The following ZFYVE28 variants were observed in gnomAD, a reference collection of about 807,000 sequenced individuals.
The protein encoded by ZFYVE28 is zinc finger FYVE-type containing 28, also known as lateral signaling target protein 2 homolog.
Under a neutral mutation model 82.1 loss-of-function variants are expected in ZFYVE28, and 40 were observed. The ratio of observed to expected loss-of-function variants is 0.49; its 90% CI spans 0.38 to 0.63. ZFYVE28 has a LOEUF of 0.63. ZFYVE28 is among the 30% of genes least tolerant of loss of function. ZFYVE28 has a pLI of 0.00. For missense variants in ZFYVE28, 1,321 were observed against 1,242.1 expected, an observed-to-expected ratio of 1.06 and a Z score of -0.96; for synonymous variants, 612 against 546.1, an observed-to-expected ratio of 1.12 and a Z score of -1.68.
At chr4:2,330,232 T>C (rs948691158) in intron 6 of ZFYVE28, 1 of 966,156 alleles carries the variant, frequency 1.0e-6, no homozygotes, top group African/African-American at 1.8e-5. Flanking sequence ...CAAAAACGAC[T>C]GTGCACTGTA....
In ZFYVE28 at chr4:2,408,465, G is replaced by A. The variant is rs1302112642; in HGVS notation, c.39+9820C>T. Among the ~76,000 whole-genome samples the A allele has an allele frequency of 6.6e-6, 1 of 152,214 alleles. No homozygotes were observed. The highest frequency in any genetic ancestry group is 1.5e-5 in the Non-Finnish European group (1 of 68,020). ...CTCTGCTCCACTGCCCTGAGACTCA[G>A]CATCGGGGAGAAAGCCTGGAGGGGG... On this transcript the variant is annotated intron_variant, in intron 1 of 12. Coordinates refer to ENST00000290974, the MANE Select transcript of ZFYVE28 (RefSeq NM_020972.3). The surrounding 1 kb of genome is among the most constrained non-coding windows in gnomAD (Gnocchi z 4.3).
At position 2,283,532 on chromosome 4, in the gene ZFYVE28, G is replaced by GTCCA. The variant is rs922691028; in HGVS notation, c.2052-9320_2052-9317dup. ...CACCCACCCATCCATCTAATCATCA[G>GTCCA]TCCATCCATCCATCCATCCATCCAA... is the stretch of plus-strand genomic sequence containing the variant. On this transcript the variant is annotated intron_variant, in intron 8 of 12. Transcript: ENST00000290974. Among the ~76,000 whole-genome samples, 50 of 126,988 alleles carry GTCCA rather than the reference G, an allele frequency of 3.9e-4. No individual in the cohort carries two copies. In the South Asian group the frequency reaches 4.1e-3, roughly 10 times the overall value. The allele number at this position is 126,988 out of a possible 152,430, so 83.3% of individuals were successfully genotyped here. A position where few individuals can be genotyped will look rare whatever the true frequency, so the allele number is the denominator to read the frequency against.
rs1367718181 is a variant in ZFYVE28 at position 2,317,213 on chromosome 4, C to T, written c.803+2957G>A. On this transcript the variant is annotated intron_variant, in intron 7 of 12. Transcript: ENST00000290974. ...ATGTTGGCTGGGCTGGTCTCAAACT[C>T]CTGACCTCAGGTGATCCGCCCACCT... 2.0e-5 allele frequency among the ~76,000 whole-genome samples: 3 copies of T among 152,076 alleles called. No individual in the cohort carries two copies. The East Asian group carries it at 5.8e-4, about 29-fold the overall frequency.
chr4:2,347,438 A>G (rs887177592), intron 2 of ZFYVE28, among the ~76,000 whole-genome samples: 1 of 152,222 alleles, frequency 6.6e-6, no homozygotes, highest in Admixed American at 6.5e-5. Context: ...TTTACAGAAC[A>G]TTCCACCCAA....
rs144224872 is a variant in ZFYVE28 at position 2,296,961 on chromosome 4, C to T, written c.2051+7328G>A. Among the ~76,000 whole-genome samples the T allele has an allele frequency of 2.1e-3, 318 of 152,364 alleles. 2 individuals carry two copies. Among genetic ancestry groups the T allele is most frequent in the African/African-American group, 7.0e-3 (293 of 41,596 alleles). On this transcript the variant is annotated intron_variant, in intron 8 of 12. Coordinates refer to ENST00000290974, the MANE Select transcript of ZFYVE28 (RefSeq NM_020972.3). ...CCACTGAAGGCTCTGTCAGCCCTGACTGCGCTGCAGGGAGGGAAGCGTGGG... is the reference window on the plus strand; with the variant it reads ...CCACTGAAGGCTCTGTCAGCCCTGATTGCGCTGCAGGGAGGGAAGCGTGGG...
intron 6 of ZFYVE28, among the ~76,000 whole-genome samples, chr4:2,333,176 TTGGCCTCCCCCGCAGCAC>T (rs1578130177): frequency 1.5e-5 from 2 of 135,034 alleles, no homozygotes; most frequent in East Asian, 4.4e-4. Flanking sequence ...CCTCCCTCCC[TTGGCCTCCCCCGCAGCAC>T]TGGCCTCCCC....
intron 1 of ZFYVE28, among the ~76,000 whole-genome samples, chr4:2,400,343 G>A (rs1201554246): frequency 7.9e-5 from 12 of 152,000 alleles, no homozygotes; most frequent in Admixed American, 7.2e-4. Context: ...ATCAAGTGAC[G>A]CCCTTAAGTT....
intron 1 of ZFYVE28, among the ~76,000 whole-genome samples, chr4:2,373,115 C>T (rs976323748): frequency 3.9e-5 from 6 of 152,206 alleles, no homozygotes; most frequent in African/African-American, 1.2e-4. Context: ...TGAGATGATC[C>T]ACTTCAGCTA....
intron 1 of ZFYVE28, among the ~76,000 whole-genome samples, chr4:2,391,700 T>C (rs1287816429): frequency 1.3e-5 from 2 of 151,248 alleles, no homozygotes; most frequent in South Asian, 2.1e-4. Flanking sequence ...ATCTATAAAT[T>C]TGACAGTTCT....
chr4:2,348,253 G>A (rs574683706), intron 2 of ZFYVE28, among the ~76,000 whole-genome samples: 11 of 152,260 alleles, frequency 7.2e-5, no homozygotes, highest in African/African-American at 2.6e-4. Flanking sequence ...TCTCTCTCAA[G>A]AAGAAATTTC....
rs1722500979 is a variant in ZFYVE28, at chr4:2,339,894, G to GGGCAGGGCAT, written c.319-249_319-240dup. Reference sequence around the variant, plus strand: ...CCTCACAGGGCCCCAGGAGCAGGGAGGGCAGGGCATGGCAGGGCAGGTAAG... The same window carrying GGGCAGGGCAT: ...CCTCACAGGGCCCCAGGAGCAGGGAGGGCAGGGCATGGCAGGGCATGGCAGGGCAGGTAAG... On this transcript the variant is annotated intron_variant, in intron 3 of 12. Coordinates refer to ENST00000290974, the MANE Select transcript of ZFYVE28 (RefSeq NM_020972.3). This position sits in a 1 kb window ranked among gnomAD's most constrained non-coding sequence, Gnocchi z 5.0. Among the ~76,000 whole-genome samples, 2 of 151,508 alleles carry GGGCAGGGCAT rather than the reference G, an allele frequency of 1.3e-5. No homozygotes were observed. The highest frequency in any genetic ancestry group is 4.9e-5 in the African/African-American group (2 of 41,194).
chr4:2,355,226 AT>A (rs1560269656), intron 1 of ZFYVE28, among the ~76,000 whole-genome samples: 677 of 13,770 alleles, frequency 0.049, 148 homozygotes, highest in African/African-American at 0.21. Flanking sequence ...ATATATATAT[AT>A]ATATATATAT....
At position 2,351,068 on chromosome 4, in the gene ZFYVE28, G is replaced by A. The variant is rs1249481687; in HGVS notation, c.180+2865C>T. On this transcript the variant is annotated intron_variant, in intron 2 of 12. Coordinates refer to ENST00000290974, the MANE Select transcript of ZFYVE28 (RefSeq NM_020972.3). ...TGGGAGCCCCGATTTATAGCCAGCT[G>A]GACAGAAGCACAGACCACACCTGGA... Among the ~76,000 whole-genome samples, 3 of 152,326 alleles carry A rather than the reference G, an allele frequency of 2.0e-5. No individual in the cohort carries two copies. The East Asian group carries it at 5.8e-4, about 29-fold the overall frequency.
intron 1 of ZFYVE28, among the ~76,000 whole-genome samples, chr4:2,381,082 T>C (rs147467461): frequency 0.014 from 2,200 of 152,298 alleles, 21 homozygotes; most frequent in Middle Eastern, 0.031. Flanking sequence ...TAGAGACTTG[T>C]TGAATGGCTT....
chr4:2,372,039 G>A lies in ZFYVE28; in HGVS notation c.40-17966C>T, dbSNP rs529923111. Among the ~76,000 whole-genome samples, 2 of 152,256 alleles carry A rather than the reference G, an allele frequency of 1.3e-5. No individual in the cohort carries two copies. The highest frequency in any genetic ancestry group is 2.1e-4 in the South Asian group (1 of 4,822). On this transcript the variant is annotated intron_variant, in intron 1 of 12. Coordinates refer to ENST00000290974, the MANE Select transcript of ZFYVE28 (RefSeq NM_020972.3). This position sits in a 1 kb window ranked among gnomAD's most constrained non-coding sequence, Gnocchi z 5.2. ...CTGGCAGGGGTGCAAGGCCATGCAC[G>A]AGCCTCAGGTCAGCCCAGTGGAAGC...
rs561004916 is a variant in ZFYVE28, at chr4:2,334,423, G to A, written c.701+1282C>T. Among the ~76,000 whole-genome samples the A allele has an allele frequency of 3.9e-5, 6 of 152,026 alleles. No homozygotes were observed. The East Asian group carries it at 1.2e-3, about 30-fold the overall frequency. On this transcript the variant is annotated intron_variant, in intron 6 of 12. Transcript: ENST00000290974. ...ACTTCTGTCCCCTGCAGGCCCCGCC[G>A]CTGGCCCTAGCCCACTGCACTGCCA...
At chr4:2,346,944 A>G (rs1723690739) in intron 2 of ZFYVE28, among the ~76,000 whole-genome samples, 1 of 152,224 alleles carries the variant, frequency 6.6e-6, no homozygotes, top group Non-Finnish European at 1.5e-5. Flanking sequence ...TCAAAGACAT[A>G]TTAAACAAAA....
chr4:2,392,107 T>C (rs1371256376), intron 1 of ZFYVE28, among the ~76,000 whole-genome samples: 1 of 151,316 alleles, frequency 6.6e-6, no homozygotes, highest in East Asian at 2.0e-4. Context: ...TGAGCCGAGA[T>C]TGCATCATTG....
chr4:2,292,690 C>G lies in ZFYVE28; in HGVS notation c.2051+11599G>C, dbSNP rs185662427. Among the ~76,000 whole-genome samples, 118 of 152,284 alleles carry G rather than the reference C, an allele frequency of 7.7e-4. 2 individuals carry two copies. The highest frequency in any genetic ancestry group is 8.2e-4 in the Non-Finnish European group (56 of 68,022). On this transcript the variant is annotated intron_variant, in intron 8 of 12. Coordinates refer to ENST00000290974, the MANE Select transcript of ZFYVE28 (RefSeq NM_020972.3). ...CAAAAATCTTCGCACAAAGAAAACT[C>G]CAGGCCCAGATGGCTTCCCTGGTGA...
Sources: gnomAD v4.1 joint callset for allele counts (sites outside exome capture counted in the v4.1 genomes callset) on GRCh38, gnomAD v4.1.1 for gene constraint, Gnocchi (gnomAD v3.1) non-coding constraint, MANE v1.5 for transcripts, NCBI Gene and HGNC (gene_info 2026-07-23, HGNC 2026-07-21) for gene names.